STIM2: variants seen among roughly 807,000 people sequenced by gnomAD.
STIM2 encodes stromal interaction molecule 2.
A neutral mutation model predicts 85.8 loss-of-function variants in STIM2; 31 were observed. That is an observed-to-expected ratio of 0.36 (90% CI 0.27 to 0.49). The LOEUF (loss-of-function observed/expected upper bound fraction) is 0.49, where lower values mean the gene tolerates loss of function less well. STIM2 is among the 20% of genes least tolerant of loss of function. The pLI, the probability that STIM2 is intolerant of heterozygous loss-of-function variation, is 0.98. For missense variants in STIM2, 841 were observed against 927.6 expected, an observed-to-expected ratio of 0.91 and a Z score of 1.21; for synonymous variants, 356 against 331.1, an observed-to-expected ratio of 1.08 and a Z score of -0.82.
intron 1 of STIM2, among the ~76,000 whole-genome samples, chr4:26,891,502 C>T (rs1245103313): frequency 1.3e-5 from 2 of 151,642 alleles, no homozygotes; most frequent in African/African-American, 4.8e-5. Context: ...TATTTATACA[C>T]ATATATGTGT....
chr4:26,957,169 GTAAATGCTATGTAAA>G (rs1459887838), intron 2 of STIM2, among the ~76,000 whole-genome samples: 1 of 152,124 alleles, frequency 6.6e-6, no homozygotes, highest in Non-Finnish European at 1.5e-5. Flanking sequence ...TTAATACAGT[GTAAATGCTATGTAAA>G]TAGTTGTTGT....
intron 10 of STIM2, among the ~76,000 whole-genome samples, 197 bp from the exon 11 acceptor site, chr4:27,017,514 G>A (rs1248793009): frequency 6.8e-6 from 1 of 147,456 alleles, no homozygotes; most frequent in East Asian, 2.0e-4. Context: ...TTTTAAACCT[G>A]TTTTTTTTTT....
intron 11 of STIM2, chr4:27,021,208 G>C (rs1728899182): frequency 7.4e-6 from 5 of 679,500 alleles, no homozygotes; most frequent in Non-Finnish European, 7.3e-6. Context: ...AGAGAAGACA[G>C]AAGTTAATAA....
intron 10 of STIM2, 29 bp from the exon 11 acceptor site, chr4:27,017,682 G>A (rs1162109619): frequency 6.2e-7 from 1 of 1,610,768 alleles, no homozygotes; most frequent in Non-Finnish European, 8.5e-7. Flanking sequence ...TGGACTTCAT[G>A]AGCATGTTTC....
chr4:26,892,274 T>C (rs907312442), intron 1 of STIM2, among the ~76,000 whole-genome samples: 3 of 152,224 alleles, frequency 2.0e-5, no homozygotes, highest in African/African-American at 7.2e-5. Flanking sequence ...CATTTATTTC[T>C]CACAGCTCTG....
chr4:26,874,088 G>A, intron 1 of STIM2: 2 of 598,880 alleles, frequency 3.3e-6, no homozygotes, highest in Admixed American at 4.1e-5. Flanking sequence ...TCTTAGCTGA[G>A]CGAGCTGCAG....
intron 2 of STIM2, among the ~76,000 whole-genome samples, chr4:26,947,089 C>G (rs1454656540): frequency 2.0e-5 from 3 of 152,102 alleles, no homozygotes; most frequent in South Asian, 2.1e-4. Context: ...ATGTGTAGGT[C>G]TCTGCGTTAG....
At chr4:26,931,808 A>G (rs772262510) in intron 2 of STIM2, among the ~76,000 whole-genome samples, 5 of 152,206 alleles carry the variant, frequency 3.3e-5, no homozygotes, top group African/African-American at 4.8e-5. Flanking sequence ...TAGTTAATAT[A>G]ACGATACCAT....
intron 1 of STIM2, among the ~76,000 whole-genome samples, chr4:26,890,138 A>G (rs918171923): frequency 1.3e-5 from 2 of 152,212 alleles, no homozygotes; most frequent in Non-Finnish European, 2.9e-5. Context: ...TTAGTGCTAC[A>G]GCCATCTGCT....
chr4:26,882,759 A>G (rs905978318), intron 1 of STIM2, among the ~76,000 whole-genome samples: 1 of 151,776 alleles, frequency 6.6e-6, no homozygotes, highest in Non-Finnish European at 1.5e-5. Flanking sequence ...TACCTGGCCC[A>G]TTAGTCTCTT....
intron 3 of STIM2, among the ~76,000 whole-genome samples, chr4:26,961,266 G>A (rs1334272854): frequency 6.6e-6 from 1 of 152,078 alleles, no homozygotes; most frequent in Non-Finnish European, 1.5e-5. Context: ...TAAAGAAGGA[G>A]GGTAAGTAGA....
Position 27,002,983 on chromosome 4 carries a change from A to G in STIM2, c.860A>G (p.Glu287Gly). The change falls in exon 7 of 12, where the codon GAG becomes GGG. Residue 287 changes from glutamate to glycine, a missense_variant. Around this residue, in one of 3 missense-constraint regions of STIM2, gnomAD observed 408 missense variants for 525.4 expected, o/e 0.78. Transcript: ENST00000467087. ...GTTGCTGTAGAAAAGCAAAATTTAG[A>G]GCGCAAAATGATGGATGAAATCAAT... The G allele has an allele frequency of 1.2e-6, 2 of 1,601,380 alleles. No homozygotes were observed. The highest frequency in any genetic ancestry group is 1.7e-6 in the Non-Finnish European group (2 of 1,175,734).
intron 1 of STIM2, among the ~76,000 whole-genome samples, chr4:26,909,182 C>A (rs1056136917): frequency 6.6e-6 from 1 of 152,174 alleles, no homozygotes; most frequent in African/African-American, 2.4e-5. Flanking sequence ...CCGACTGTGT[C>A]GTTTATTAAC....
In STIM2 at chr4:27,022,536, C is replaced by T; in HGVS notation, c.1781C>T (p.Ala594Val). The T allele has an allele frequency of 6.3e-7, 1 of 1,595,778 alleles. No individual in the cohort carries two copies. Among genetic ancestry groups the T allele is most frequent in the Non-Finnish European group, 8.6e-7 (1 of 1,166,508 alleles). Residue 594 changes from alanine (A) to valine (V), a missense_variant, in exon 12 of 12, where the codon GCT becomes GTT. Ala to Val is a moderately conservative substitution (Grantham distance 64, BLOSUM62 0). This residue lies in a region of STIM2 where 293 missense variants were observed against 284.5 expected (regional missense o/e 1.03). Transcript: ENST00000467087. ...TCATTCAGGGAAGTGCCAGACACAG[C>T]TTCAGAATGTGACTCCTTAAATTCT...
rs76322611 is a variant in STIM2, at chr4:26,915,859, G to C, written c.152-3645G>C. On this transcript the variant is annotated intron_variant, in intron 1 of 11. Transcript: ENST00000467087. ...TGTTGCCTTGTGTGCCCAGCACCAA[G>C]CACAGAGCCTGACGTATTATAGGCA... Among the ~76,000 whole-genome samples, 1,097 of 152,306 alleles carry C rather than the reference G, an allele frequency of 7.2e-3. 46 individuals carry two copies. Among genetic ancestry groups the C allele is most frequent in the Admixed American group, 0.058 (889 of 15,286 alleles).
intron 3 of STIM2, among the ~76,000 whole-genome samples, chr4:26,964,529 G>C (rs1241292185): frequency 2.0e-5 from 3 of 152,096 alleles, no homozygotes; most frequent in Admixed American, 1.3e-4. Flanking sequence ...CTTGAATTCT[G>C]AGCAGTGTTT....
chr4:26,884,442 T>C (rs918591215), intron 1 of STIM2, among the ~76,000 whole-genome samples: 2 of 152,206 alleles, frequency 1.3e-5, no homozygotes, highest in African/African-American at 2.4e-5. Flanking sequence ...GATGCTCTGC[T>C]CGAAATGGTT....
intron 3 of STIM2, among the ~76,000 whole-genome samples, chr4:26,989,058 C>T (rs756971427): frequency 5.9e-5 from 9 of 152,038 alleles, no homozygotes; most frequent in East Asian, 3.9e-4. Flanking sequence ...CCTCAGCCTC[C>T]GGAATAGCTG....
intron 3 of STIM2, among the ~76,000 whole-genome samples, chr4:26,976,597 C>G (rs892921126): frequency 6.6e-6 from 1 of 151,922 alleles, no homozygotes; most frequent in Non-Finnish European, 1.5e-5. Context: ...CACTTGAGGT[C>G]AGGAGTTTGA....
Sources: allele counts gnomAD v4.1 joint callset (sites outside exome capture counted in the v4.1 genomes callset), GRCh38; gene constraint gnomAD v4.1.1; regional missense constraint gnomAD v4.1.1; transcripts MANE v1.5; gene names NCBI Gene and HGNC (gene_info 2026-07-23, HGNC 2026-07-21).